The following RGS5 variants were observed in gnomAD, a reference collection of about 807,000 sequenced individuals.
RGS5 encodes regulator of G protein signaling 5, also known as regulator of G-protein signalling 5.
RGS5 carries 20 observed loss-of-function variants against 18.9 expected under a neutral mutation model. The observed-to-expected ratio is 1.06, with a 90% CI of 0.74 to 1.54. The LOEUF (loss-of-function observed/expected upper bound fraction) is 1.54. RGS5 is among the 40% of genes most tolerant of loss of function. The pLI is 0.00. For missense variants in RGS5, 201 were observed against 211.8 expected (o/e 0.95, Z 0.32); for synonymous variants, 57 against 76.2 (o/e 0.75, Z 1.31).
chr1:163,294,301 C>T (rs192248406), intron 2 of RGS5, among the ~76,000 whole-genome samples: 1 of 152,228 alleles, frequency 6.6e-6, no homozygotes, highest in Non-Finnish European at 1.5e-5. Flanking sequence ...TAGGCAGAGG[C>T]TCCCAAAGCT....
At chr1:163,309,835 C>A (rs753596110) in intron 1 of RGS5, among the ~76,000 whole-genome samples, 34 of 152,176 alleles carry the variant, frequency 2.2e-4, no homozygotes, top group Middle Eastern at 6.8e-3. Context: ...GCAGGTCTAG[C>A]CTTATGAAAT....
chr1:163,143,977 A>G lies in RGS5; in HGVS notation c.*3365T>C, dbSNP rs1657026915. 6.6e-6 allele frequency: 1 copy of G among 152,116 alleles called. No individual in the cohort carries two copies. Among genetic ancestry groups the G allele is most frequent in the Admixed American group, 6.6e-5 (1 of 15,262 alleles). The allele number at this position is 152,116 out of a possible 1,614,324, so 9.4% of individuals were successfully genotyped here. On this transcript the variant is annotated 3_prime_UTR_variant, in exon 5 of 5. Coordinates refer to ENST00000313961, the MANE Select transcript of RGS5 (RefSeq NM_003617.4). ...AGCACACATCAACCAAATAAAATCC[A>G]TGGCTTTGTAAAGGATAAAAAAAAA...
upstream of RGS5, among the ~76,000 whole-genome samples, chr1:163,203,804 C>G (rs1168050826): frequency 6.6e-6 from 1 of 152,172 alleles, no homozygotes; most frequent in African/African-American, 2.4e-5. Context: ...CCTTCTCCTT[C>G]AAACTTTTCC....
intron 2 of RGS5, among the ~76,000 whole-genome samples, chr1:163,293,618 C>T (rs1460998802): frequency 6.6e-6 from 1 of 152,142 alleles, no homozygotes; most frequent in East Asian, 1.9e-4. Context: ...GTCCTTTTCA[C>T]ATTTCAAAAC....
At chr1:163,171,127 AT>A (rs1231663638) in intron 1 of RGS5, among the ~76,000 whole-genome samples, 2 of 152,150 alleles carry the variant, frequency 1.3e-5, no homozygotes, top group African/African-American at 2.4e-5. Context: ...CATACAAAAA[AT>A]TCCCCGCAAG....
chr1:163,152,385 T>C (rs994237228), intron 4 of RGS5, 165 bp downstream of exon 4: 14 of 632,244 alleles, frequency 2.2e-5, no homozygotes, highest in Middle Eastern at 2.9e-4. Context: ...CATATATACT[T>C]GACCATGTTG....
intron 3 of RGS5, among the ~76,000 whole-genome samples, chr1:163,159,344 C>A (rs1657711738): frequency 6.6e-6 from 1 of 152,168 alleles, no homozygotes; most frequent in Non-Finnish European, 1.5e-5. Flanking sequence ...GAAATCTTCA[C>A]AATTTATGTT....
chr1:163,277,290 T>C (rs1648881754), intron 2 of RGS5, among the ~76,000 whole-genome samples: 1 of 152,178 alleles, frequency 6.6e-6, no homozygotes, highest in Non-Finnish European at 1.5e-5. Flanking sequence ...GATTGATGCA[T>C]TATGTCTCTC....
chr1:163,279,125 G>T (rs1268036894), intron 2 of RGS5, among the ~76,000 whole-genome samples: 2 of 152,000 alleles, frequency 1.3e-5, no homozygotes, highest in African/African-American at 4.8e-5. Flanking sequence ...CTAGACAGAA[G>T]ATCAACAAAG....
At chr1:163,280,471 A>C (rs1158897192) in intron 2 of RGS5, among the ~76,000 whole-genome samples, 1 of 152,204 alleles carries the variant, frequency 6.6e-6, no homozygotes, top group African/African-American at 2.4e-5. Flanking sequence ...TTTCATGTTA[A>C]AAACTCTCAA....
In RGS5 at chr1:163,147,422, T is replaced by C. The variant is rs1477897678; in HGVS notation, c.466A>G (p.Lys156Glu). Residue 156 changes from lysine (K) to glutamate (E), a missense_variant, in exon 5 of 5, where the codon AAA becomes GAA. Lys to Glu is a moderately conservative substitution (Grantham distance 56). Coordinates refer to ENST00000313961, the MANE Select transcript of RGS5 (RefSeq NM_003617.4). Reference protein sequence around the residue: ...PSLSSFDMAQKRIHALMEKDS... With the variant: ...PSLSSFDMAQERIHALMEKDS... ...TTTTCCATCAGGGCATGGATTCTTTTCTGGGCCATGTCAAAGCTGCTCAGG... is the reference window on the plus strand; with the variant it reads ...TTTTCCATCAGGGCATGGATTCTTTCCTGGGCCATGTCAAAGCTGCTCAGG... 1.2e-5 allele frequency: 19 copies of C among 1,613,342 alleles called. No individual in the cohort carries two copies. The highest frequency in any genetic ancestry group is 1.6e-5 in the Non-Finnish European group (19 of 1,179,620).
At chr1:163,287,905 T>C (rs911645289) in intron 2 of RGS5, among the ~76,000 whole-genome samples, 5 of 152,232 alleles carry the variant, frequency 3.3e-5, no homozygotes, top group African/African-American at 4.8e-5. Flanking sequence ...TCTTCAGTTA[T>C]GCTACAATTT....
intron 2 of RGS5, among the ~76,000 whole-genome samples, chr1:163,290,097 T>G (rs1165888259): frequency 3.3e-5 from 5 of 152,192 alleles, no homozygotes; most frequent in Non-Finnish European, 7.3e-5. Flanking sequence ...AGCTTCTTTG[T>G]ACGCTATGCA....
In RGS5 at chr1:163,168,292, T is replaced by G. The variant is rs35968905; in HGVS notation, c.121A>C (p.Asn41His). 431 of 1,613,848 alleles carry G rather than the reference T, an allele frequency of 2.7e-4. 1 individual carries two copies. In the African/African-American group the frequency reaches 5.0e-3, roughly 19 times the overall value. The change falls in exon 2 of 5, where the codon AAT becomes CAT. Residue 41 changes from asparagine to histidine, a missense_variant. Asn to His is a moderately conservative substitution (Grantham distance 68). Transcript: ENST00000313961. ...TTGGCTGGTTTCTCTGGCTTCTCATTGTACGGAATGACAAGGTCACCAACT... is the reference window on the plus strand; with the variant it reads ...TTGGCTGGTTTCTCTGGCTTCTCATGGTACGGAATGACAAGGTCACCAACT... ...DSVGDLVIPY[N>H]EKPEKPAKTQ...
At chr1:163,249,513 G>A (rs1350059864) in intron 2 of RGS5, among the ~76,000 whole-genome samples, 1 of 152,212 alleles carries the variant, frequency 6.6e-6, no homozygotes, top group Non-Finnish European at 1.5e-5. Flanking sequence ...GAGGAAGGTC[G>A]GGCGCTGTGG....
At chr1:163,152,438 T>A in intron 4 of RGS5, 112 bp downstream of exon 4, 1 of 1,147,138 alleles carries the variant, frequency 8.7e-7, no homozygotes, top group Non-Finnish European at 1.2e-6. Flanking sequence ...GGTGGTCGAC[T>A]CACAAATAGG....
At chr1:163,167,533 A>C (rs939853992) in intron 2 of RGS5, among the ~76,000 whole-genome samples, 1 of 152,026 alleles carries the variant, frequency 6.6e-6, no homozygotes, top group Non-Finnish European at 1.5e-5. Flanking sequence ...TAACATCATG[A>C]CTCTTTAGAA....
chr1:163,319,625 C>T (rs1006563213), intron 1 of RGS5, among the ~76,000 whole-genome samples: 1 of 152,044 alleles, frequency 6.6e-6, no homozygotes, highest in African/African-American at 2.4e-5. Context: ...ACAAGATGCA[C>T]GGATAAGATT....
chr1:163,229,932 C>T (rs1557912912), intron 2 of RGS5, among the ~76,000 whole-genome samples: 1 of 152,174 alleles, frequency 6.6e-6, no homozygotes, highest in Non-Finnish European at 1.5e-5. Flanking sequence ...AGGTCATTAA[C>T]AAATATTCAC....
Sources: gnomAD v4.1 joint callset for allele counts (sites outside exome capture counted in the v4.1 genomes callset) on GRCh38, gnomAD v4.1.1 for gene constraint, MANE v1.5 for transcripts, NCBI Gene and HGNC (gene_info 2026-07-23, HGNC 2026-07-21) for gene names.